Variants in MGST2 observed in about 807,000 individuals in gnomAD.
MGST2 encodes glutathione peroxidase MGST2.
Under a neutral mutation model 16.6 loss-of-function variants are expected in MGST2, and 9 were observed. The ratio of observed to expected loss-of-function variants is 0.54; its 90% confidence interval spans 0.33 to 0.95. The LOEUF (loss-of-function observed/expected upper bound fraction) is 0.95. Among genes scored for constraint, MGST2 ranks in the 40% least tolerant of loss-of-function variants. The pLI is 0.03. For missense variants in MGST2, 159 were observed against 175.1 expected (o/e 0.91, Z 0.52); for synonymous variants, 79 against 68.0 (o/e 1.16, Z -0.79).
chr4:139,727,000 C>A (rs1328039314), intron 5 of MGST2, among the ~76,000 whole-genome samples: 1 of 152,224 alleles, frequency 6.6e-6, no homozygotes, highest in East Asian at 1.9e-4. Flanking sequence ...CACCTTTCAT[C>A]TGCAAGGGCT....
chr4:139,744,597 C>A (rs1372489122), downstream of MGST2, among the ~76,000 whole-genome samples: 2 of 152,090 alleles, frequency 1.3e-5, no homozygotes, highest in East Asian at 3.9e-4. Context: ...GAATATGCAT[C>A]CCACTTTTTG....
At chr4:139,732,029 T>C (rs573748231) in intron 5 of MGST2, among the ~76,000 whole-genome samples, 8 of 152,246 alleles carry the variant, frequency 5.3e-5, no homozygotes, top group African/African-American at 1.7e-4. Context: ...AATGGAGGAG[T>C]TGACACAGAT....
downstream of MGST2, among the ~76,000 whole-genome samples, chr4:139,744,117 G>A (rs1729243638): frequency 6.6e-6 from 1 of 152,188 alleles, no homozygotes; most frequent in African/African-American, 2.4e-5. Context: ...AACCTAGAGA[G>A]GTCTGGAATA....
At chr4:139,738,423 G>C (rs182929035) in intron 5 of MGST2, among the ~76,000 whole-genome samples, 8 of 152,256 alleles carry the variant, frequency 5.3e-5, no homozygotes, top group African/African-American at 1.9e-4. Context: ...TGTGCCTGTA[G>C]TCCCAGTTAC....
intron 5 of MGST2, chr4:139,725,937 C>G: frequency 1.1e-6 from 1 of 941,162 alleles, no homozygotes. Context: ...TTCCCCAAAA[C>G]TAAACTTTGT....
chr4:139,736,035 C>A (rs1466213603), intron 5 of MGST2, among the ~76,000 whole-genome samples: 1 of 152,092 alleles, frequency 6.6e-6, no homozygotes, highest in Non-Finnish European at 1.5e-5. Context: ...TTGTTCGTGG[C>A]AGGAAAGAGT....
intron 2 of MGST2, among the ~76,000 whole-genome samples, chr4:139,691,666 AGAT>A (rs376635466): frequency 0.028 from 3,983 of 144,014 alleles, 82 homozygotes; most frequent in Admixed American, 0.043. Context: ...ACTGGCAGTC[AGAT>A]GATGATGATG....
intron 5 of MGST2, among the ~76,000 whole-genome samples, chr4:139,727,508 G>GGCTCTGTCTCTCTCTA (rs1480996457): frequency 6.6e-6 from 1 of 152,166 alleles, no homozygotes; most frequent in Non-Finnish European, 1.5e-5. Flanking sequence ...GTTCCATCCT[G>GGCTCTGTCTCTCTCTA]GCTCTGTCTC....
downstream of MGST2, among the ~76,000 whole-genome samples, chr4:139,706,441 T>G (rs1448083036): frequency 6.6e-6 from 1 of 152,248 alleles, no homozygotes; most frequent in Non-Finnish European, 1.5e-5. Context: ...TATGATTCTA[T>G]GGTCTTTTTA....
downstream of MGST2, among the ~76,000 whole-genome samples, chr4:139,704,563 G>A (rs1727443921): frequency 6.6e-6 from 1 of 152,164 alleles, no homozygotes. Flanking sequence ...AGGCATGTGG[G>A]GGACATCAGG....
the MGST2 span, among the ~76,000 whole-genome samples, chr4:139,752,050 C>T: frequency 6.6e-6 from 1 of 152,182 alleles, no homozygotes; most frequent in Non-Finnish European, 1.5e-5. Flanking sequence ...CTTATCTTTT[C>T]TCTAGACTGT....
At chr4:139,698,106 T>TG in intron 3 of MGST2, 2 of 1,237,546 alleles carry the variant, frequency 1.6e-6, no homozygotes, top group Non-Finnish European at 2.2e-6. Flanking sequence ...AAATTTTTTT[T>TG]TTTTTGAGAA....
intron 5 of MGST2, among the ~76,000 whole-genome samples, chr4:139,712,629 T>G (rs768566124): frequency 1.3e-5 from 2 of 152,230 alleles, no homozygotes; most frequent in African/African-American, 4.8e-5. Context: ...GAAATACCTA[T>G]GAGTTAGGTA....
At chr4:139,666,269 C>G (rs557749735) in intron 1 of MGST2, among the ~76,000 whole-genome samples, 192 bp downstream of exon 1, 1 of 152,108 alleles carries the variant, frequency 6.6e-6, no homozygotes, top group South Asian at 2.1e-4. Context: ...TACCCTCCTT[C>G]CCAGGGGCAA....
At chr4:139,686,247 G>A (rs979778115) in intron 2 of MGST2, among the ~76,000 whole-genome samples, 1 of 152,172 alleles carries the variant, frequency 6.6e-6, no homozygotes, top group African/African-American at 2.4e-5. Context: ...TAAAGACCTG[G>A]GATCAACAGA....
In MGST2 at chr4:139,715,351, A is replaced by AAAG. The variant is rs201934113; in HGVS notation, c.*48+11156_*48+11158dup. Among the ~76,000 whole-genome samples, 820 of 152,168 alleles carry AAAG rather than the reference A, an allele frequency of 5.4e-3. 5 individuals are homozygous for AAAG. The highest frequency in any genetic ancestry group is 0.019 in the African/African-American group (771 of 41,516). ...TGTTAGAGGACTCCAATACTTACCC[A>AAAG]AAGGTAGCTGTTGGGTCTAGGTTTC... On this transcript the variant is annotated intron_variant, in intron 5 of 5. Coordinates refer to the MGST2 transcript ENST00000616265. This position sits in a 1 kb window ranked among gnomAD's most constrained non-coding sequence, Gnocchi z 4.4.
At position 139,723,979 on chromosome 4, in the gene MGST2, T is replaced by C. The variant is rs79732612; in HGVS notation, c.*49-16233T>C. Among the ~76,000 whole-genome samples the C allele has an allele frequency of 9.8e-3, 1,491 of 152,288 alleles. 22 individuals carry two copies. Among genetic ancestry groups the C allele is most frequent in the African/African-American group, 0.033 (1,359 of 41,556 alleles). ...CAGGCTAAAGTTTGAGAACTACAGA[T>C]ACAAAGGAGGGCTCTGTATCTGCAA... On this transcript the variant is annotated intron_variant, in intron 5 of 5. Transcript: ENST00000616265.
chr4:139,691,399 G>C (rs778744461), intron 2 of MGST2, among the ~76,000 whole-genome samples: 1 of 152,196 alleles, frequency 6.6e-6, no homozygotes, highest in Non-Finnish European at 1.5e-5. Flanking sequence ...TTGTCAAGAA[G>C]TAATTTTCAG....
At chr4:139,694,538 T>C (rs1261124815) in intron 2 of MGST2, among the ~76,000 whole-genome samples, 4 of 152,170 alleles carry the variant, frequency 2.6e-5, no homozygotes, top group African/African-American at 7.2e-5. Flanking sequence ...GCAGATGAAT[T>C]AATTATAGTT....
Sources: gnomAD v4.1 joint callset for allele counts (sites outside exome capture counted in the v4.1 genomes callset) on GRCh38, gnomAD v4.1.1 for gene constraint, Gnocchi (gnomAD v3.1) non-coding constraint, MANE v1.5 for transcripts, NCBI Gene and HGNC (gene_info 2026-07-23, HGNC 2026-07-21) for gene names.